The following NFASC variants were observed in gnomAD, a reference collection of about 807,000 sequenced individuals.
The protein encoded by NFASC is neurofascin, also known as neurofascin homolog.
NFASC carries 43 observed loss-of-function variants against 147.5 expected under a neutral mutation model. That is an observed-to-expected ratio of 0.29 (90% CI 0.23 to 0.38). The LOEUF (loss-of-function observed/expected upper bound fraction) is 0.38, where lower values mean the gene tolerates loss of function less well. Among genes scored for constraint, NFASC ranks in the 10% least tolerant of loss-of-function variants. NFASC has a pLI of 1.00. For synonymous variants in NFASC, 622 were observed against 665.5 expected (o/e 0.93, Z 1.01); for missense variants, 1,320 against 1,689.0 (o/e 0.78, Z 3.83).
At chr1:204,978,256 G>A (rs72753414) in intron 17 of NFASC, among the ~76,000 whole-genome samples, 21 of 152,250 alleles carry the variant, frequency 1.4e-4, no homozygotes, top group Admixed American at 4.6e-4. Flanking sequence ...TTGCCTACCC[G>A]TACCACTCAG....
At chr1:204,904,073 T>C (rs1212980862) in intron 1 of NFASC, among the ~76,000 whole-genome samples, 2 of 152,186 alleles carry the variant, frequency 1.3e-5, no homozygotes, top group Non-Finnish European at 2.9e-5. Context: ...GCTTCAGATT[T>C]CTTCTTCTTC....
At position 205,016,447 on chromosome 1, in the gene NFASC, C is replaced by A; in HGVS notation, c.3631C>A (p.Gln1211Lys). 6.2e-7 allele frequency: 1 copy of A among 1,614,114 alleles called. No homozygotes were observed. Among genetic ancestry groups the A allele is most frequent in the Non-Finnish European group, 8.5e-7 (1 of 1,180,012 alleles). The change falls in exon 30 of 30, where the codon CAG (glutamine) becomes AAG (lysine). Residue 1211 changes from glutamine to lysine, a missense_variant. Coordinates refer to ENST00000339876, the MANE Select transcript of NFASC (RefSeq NM_001005388.3). The surrounding 1 kb of genome is among the most constrained non-coding windows in gnomAD (Gnocchi z 5.1). ...CAATGAAGACGGCTCCTTCATCGGC[C>A]AGTACACGGTCAAAAAGGACAAGGA... ...QFNEDGSFIG[Q>K]YTVKKDKEET...
At chr1:204,830,171 G>A (rs1029765855) in intron 1 of NFASC, among the ~76,000 whole-genome samples, 2 of 152,184 alleles carry the variant, frequency 1.3e-5, no homozygotes, top group Non-Finnish European at 2.9e-5. Context: ...GCTGGGCCCT[G>A]CTGGGCCTCA....
intron 1 of NFASC, among the ~76,000 whole-genome samples, chr1:204,905,999 C>G (rs1273925822): frequency 6.6e-6 from 1 of 152,174 alleles, no homozygotes; most frequent in Non-Finnish European, 1.5e-5. Flanking sequence ...ATTTCCCAGA[C>G]CACCAATGTG....
chr1:204,997,330 T>C lies in NFASC; in HGVS notation c.2943T>C (p.Thr981=), dbSNP rs1037925074. 1 of 1,572,592 alleles carries C rather than the reference T, an allele frequency of 6.4e-7. No homozygotes were observed. The highest frequency in any genetic ancestry group is 1.1e-5 in the South Asian group (1 of 87,122). ...IATTTTVATT[T]TTTAAATTTT... ...CCACCACCACCGTCGCCACAACTAC[T>C]ACAACCACTGCTGCCGCCACCACCA... is the stretch of plus-strand genomic sequence containing the variant. Residue 981 remains threonine (T), a synonymous_variant, in exon 25 of 30, where the codon ACT becomes ACC. Transcript: ENST00000339876.
chr1:204,865,501 C>T (rs941137134), intron 1 of NFASC, among the ~76,000 whole-genome samples: 2 of 152,312 alleles, frequency 1.3e-5, no homozygotes, highest in African/African-American at 4.8e-5. Context: ...TGTGGAAATA[C>T]AGTTTTCCTA....
rs1405805292 is a variant in NFASC at position 204,975,741 on chromosome 1, CCT to C, written c.1706+324_1706+325del. Among the ~76,000 whole-genome samples, 5 of 152,214 alleles carry C rather than the reference CCT, an allele frequency of 3.3e-5. No individual in the cohort carries two copies. The highest frequency in any genetic ancestry group is 2.1e-4 in the South Asian group (1 of 4,824). ...GCCTCTTTTCCCTTTCATTTTTGCC[CCT>C]GTCTTCTCTTTTCCTCCTTTGCTGC... is the stretch of plus-strand genomic sequence containing the variant. On this transcript the variant is annotated intron_variant, in intron 15 of 29. Coordinates refer to ENST00000339876, the MANE Select transcript of NFASC (RefSeq NM_001005388.3). This position sits in a 1 kb window ranked among gnomAD's most constrained non-coding sequence, Gnocchi z 4.0.
At chr1:204,967,349 G>C (rs968902418) in intron 8 of NFASC, among the ~76,000 whole-genome samples, 3 of 152,092 alleles carry the variant, frequency 2.0e-5, no homozygotes, top group African/African-American at 7.2e-5. Context: ...GGGGGAAGAG[G>C]TGAGGCTCGG....
intron 3 of NFASC, 66 bp downstream of exon 3, chr1:204,944,472 G>GTGGA: frequency 9.9e-6 from 4 of 402,578 alleles, no homozygotes; most frequent in Non-Finnish European, 2.0e-5. Flanking sequence ...GGAGGGGAGG[G>GTGGA]AAGGTCAGAG....
chr1:204,913,357 TA>T (rs903939377), intron 1 of NFASC, among the ~76,000 whole-genome samples: 7 of 152,124 alleles, frequency 4.6e-5, no homozygotes, highest in Non-Finnish European at 8.8e-5. Context: ...GAGGAATCTG[TA>T]AAAAAATTGA....
At chr1:204,851,520 A>C (rs775695742) in intron 1 of NFASC, among the ~76,000 whole-genome samples, 6 of 151,888 alleles carry the variant, frequency 4.0e-5, no homozygotes, top group Non-Finnish European at 8.8e-5. Flanking sequence ...TTTAGTGGAG[A>C]TGGAGTTTCA....
chr1:204,967,552 G>A (rs2150218515), intron 8 of NFASC, among the ~76,000 whole-genome samples: 1 of 152,164 alleles, frequency 6.6e-6, no homozygotes, highest in Middle Eastern at 3.4e-3. Context: ...CAACTTGGCG[G>A]CCACTTTTCT....
intron 16 of NFASC, chr1:204,977,048 A>G (rs2095421502): frequency 7.9e-7 from 1 of 1,260,510 alleles, no homozygotes; most frequent in Non-Finnish European, 1.0e-6. Context: ...CCTGAGTGAT[A>G]TAGAGAAAGT....
intron 1 of NFASC, among the ~76,000 whole-genome samples, chr1:204,877,007 T>G (rs1277836616): frequency 9.1e-6 from 1 of 110,004 alleles, no homozygotes; most frequent in African/African-American, 4.2e-5. Flanking sequence ...TATATATATA[T>G]ATATATATAT....
At chr1:204,886,651 G>A (rs1271431864) in intron 1 of NFASC, among the ~76,000 whole-genome samples, 1 of 152,206 alleles carries the variant, frequency 6.6e-6, no homozygotes, top group African/African-American at 2.4e-5. Context: ...CCCTGGTCCA[G>A]CTGAGGTGCT....
chr1:205,011,510 G>A (rs917779952), intron 28 of NFASC, among the ~76,000 whole-genome samples: 3 of 152,202 alleles, frequency 2.0e-5, no homozygotes, highest in Non-Finnish European at 4.4e-5. Flanking sequence ...TGGAATACTG[G>A]AAGAACCCAG....
chr1:204,982,552 C>T (rs935616655), intron 21 of NFASC, among the ~76,000 whole-genome samples: 3 of 152,242 alleles, frequency 2.0e-5, no homozygotes, highest in Non-Finnish European at 4.4e-5. Flanking sequence ...CCTCCTGGTG[C>T]TCCCGCTGCG....
At chr1:204,977,793 G>A in intron 17 of NFASC, 68 bp downstream of exon 17, 1 of 1,461,212 alleles carries the variant, frequency 6.8e-7, no homozygotes, top group East Asian at 2.3e-5. Context: ...GAGTCTGGGA[G>A]AAGGAAGCCA....
intron 1 of NFASC, among the ~76,000 whole-genome samples, chr1:204,911,087 A>T (rs1161164966): frequency 1.3e-5 from 2 of 152,184 alleles, no homozygotes; most frequent in Non-Finnish European, 2.9e-5. Flanking sequence ...AACGTTTTTT[A>T]AAAAATCACA....
Sources: gnomAD v4.1 joint callset for allele counts (sites outside exome capture counted in the v4.1 genomes callset) on GRCh38, gnomAD v4.1.1 for gene constraint, Gnocchi (gnomAD v3.1) non-coding constraint, MANE v1.5 for transcripts, NCBI Gene and HGNC (gene_info 2026-07-23, HGNC 2026-07-21) for gene names.